TMEM132C: variants seen among roughly 807,000 people sequenced by gnomAD.
TMEM132C encodes transmembrane protein 132C.
Under a neutral mutation model 61.4 loss-of-function variants are expected in TMEM132C, and 29 were observed. The observed-to-expected ratio is 0.47, with a 90% CI of 0.35 to 0.64. The LOEUF is 0.64. Among genes scored for constraint, TMEM132C ranks in the 30% least tolerant of loss-of-function variants. TMEM132C has a pLI of 0.00. For missense variants in TMEM132C, 1,408 were observed against 1,476.9 expected (o/e 0.95, Z 0.76); for synonymous variants, 656 against 633.1 (o/e 1.04, Z -0.54).
At chr12:128,677,353 T>C (rs1350081104) in intron 5 of TMEM132C, among the ~76,000 whole-genome samples, 2 of 152,052 alleles carry the variant, frequency 1.3e-5, no homozygotes, top group Admixed American at 1.3e-4. Context: ...ACAGAAGCGG[T>C]CCCTGCCCTC....
At chr12:128,337,058 A>C (rs1222732680) in intron 1 of TMEM132C, among the ~76,000 whole-genome samples, 1 of 152,192 alleles carries the variant, frequency 6.6e-6, no homozygotes, top group African/African-American at 2.4e-5. Context: ...CTTTGAAGAG[A>C]CTGCTTTAAA....
chr12:128,566,633 A>G (rs995794378), intron 3 of TMEM132C, among the ~76,000 whole-genome samples: 1 of 152,214 alleles, frequency 6.6e-6, no homozygotes, highest in Non-Finnish European at 1.5e-5. Flanking sequence ...GAGTGACGCC[A>G]TCCTTACATG....
At chr12:128,437,151 TG>T (rs1446069251) in intron 2 of TMEM132C, among the ~76,000 whole-genome samples, 1 of 151,408 alleles carries the variant, frequency 6.6e-6, no homozygotes, top group Non-Finnish European at 1.5e-5. Context: ...TGTCATGTGG[TG>T]GGGGGCTGGG....
chr12:128,470,365 C>T (rs1163709771), intron 2 of TMEM132C, among the ~76,000 whole-genome samples: 1 of 152,172 alleles, frequency 6.6e-6, no homozygotes, highest in Non-Finnish European at 1.5e-5. Flanking sequence ...TTCAGTGTGG[C>T]TGAGTTGACT....
At chr12:128,479,081 G>A (rs916994239) in intron 2 of TMEM132C, among the ~76,000 whole-genome samples, 1 of 152,118 alleles carries the variant, frequency 6.6e-6, no homozygotes, top group African/African-American at 2.4e-5. Flanking sequence ...GGATGGAGCT[G>A]GAGCCCATCA....
intron 2 of TMEM132C, among the ~76,000 whole-genome samples, chr12:128,510,985 G>T (rs2136118039): frequency 6.6e-6 from 1 of 152,324 alleles, no homozygotes; most frequent in Non-Finnish European, 1.5e-5. Flanking sequence ...CTGGCTGATA[G>T]CTGTTCCCTT....
Position 128,599,539 on chromosome 12 carries a change from C to G in TMEM132C, c.1122-16613C>G, listed in dbSNP as rs189108606. Among the ~76,000 whole-genome samples, 317 of 152,336 alleles carry G rather than the reference C, an allele frequency of 2.1e-3. 1 individual carries two copies. The highest frequency in any genetic ancestry group is 3.1e-3 in the Non-Finnish European group (208 of 68,032). On this transcript the variant is annotated intron_variant, in intron 3 of 8. Transcript: ENST00000435159. ...TAGGATCTCCATATTTGAAACTATT[C>G]CCTTAAAAAATCCTTTTTAACTGTG...
chr12:128,335,377 T>C (rs1872767254), intron 1 of TMEM132C, among the ~76,000 whole-genome samples: 1 of 152,250 alleles, frequency 6.6e-6, no homozygotes, highest in African/African-American at 2.4e-5. Context: ...CATTTGTGTA[T>C]TGGCCTTTTG....
At chr12:128,640,724 A>C (rs1194644752) in intron 4 of TMEM132C, among the ~76,000 whole-genome samples, 1 of 152,162 alleles carries the variant, frequency 6.6e-6, no homozygotes, top group Non-Finnish European at 1.5e-5. Context: ...AAACCTCTAC[A>C]AAAAATTTAA....
chr12:128,525,066 C>T (rs967926928), intron 2 of TMEM132C, among the ~76,000 whole-genome samples: 12 of 152,200 alleles, frequency 7.9e-5, no homozygotes, highest in Admixed American at 2.6e-4. Flanking sequence ...AGTAGCCTCC[C>T]ACCTTCTATA....
intron 1 of TMEM132C, among the ~76,000 whole-genome samples, chr12:128,334,294 C>G (rs1314549134): frequency 6.6e-6 from 1 of 152,136 alleles, no homozygotes; most frequent in African/African-American, 2.4e-5. Context: ...TCTCCACAGA[C>G]CGCCACCGCC....
At chr12:128,687,940 A>G (rs578059509) in intron 5 of TMEM132C, among the ~76,000 whole-genome samples, 1 of 152,202 alleles carries the variant, frequency 6.6e-6, no homozygotes, top group East Asian at 1.9e-4. Context: ...GTTTTCCCTT[A>G]ACCCTACCCA....
intron 2 of TMEM132C, among the ~76,000 whole-genome samples, chr12:128,437,543 G>A (rs1010809068): frequency 1.3e-5 from 2 of 152,124 alleles, no homozygotes; most frequent in African/African-American, 2.4e-5. Flanking sequence ...GGCAAAGATG[G>A]AAAATAAAGG....
intron 4 of TMEM132C, among the ~76,000 whole-genome samples, chr12:128,647,739 A>T (rs566278651): frequency 6.8e-6 from 1 of 146,266 alleles, no homozygotes; most frequent in Non-Finnish European, 1.5e-5. Context: ...TGTGTTCACT[A>T]GATCCCATCA....
rs1167793755 is a variant in TMEM132C at position 128,707,137 on chromosome 12, A to T, written c.*842A>T. ...CAGAGCCTTCTGGGGGAGGAGAGGA[A>T]CTGTCCTTAATCCATCACCACTACC... On this transcript the variant is annotated 3_prime_UTR_variant, in exon 9 of 9. Coordinates refer to ENST00000435159, the MANE Select transcript of TMEM132C (RefSeq NM_001136103.3). The T allele has an allele frequency of 6.6e-6, 1 of 152,000 alleles. No homozygotes were observed. The highest frequency in any genetic ancestry group is 6.6e-5 in the Admixed American group (1 of 15,266). 9.4% of individuals were successfully genotyped at this position (152,000 alleles called of 1,614,324 possible). A position where few individuals can be genotyped will look rare whatever the true frequency, so the allele number is the denominator to read the frequency against.
intron 1 of TMEM132C, among the ~76,000 whole-genome samples, chr12:128,286,155 G>A (rs1310647666): frequency 6.6e-6 from 1 of 151,656 alleles, no homozygotes. Context: ...CTTTCATGGA[G>A]GCTTCATTCT....
intron 3 of TMEM132C, among the ~76,000 whole-genome samples, chr12:128,571,625 C>T (rs1273917488): frequency 1.3e-5 from 2 of 152,146 alleles, no homozygotes; most frequent in Admixed American, 1.3e-4. Context: ...CATCTAAGCA[C>T]CTCGTGTAAG....
At chr12:128,386,698 C>T (rs2135995803) in intron 1 of TMEM132C, among the ~76,000 whole-genome samples, 1 of 152,332 alleles carries the variant, frequency 6.6e-6, no homozygotes, top group Non-Finnish European at 1.5e-5. Flanking sequence ...AGGTTTCATT[C>T]TTATCCCCCA....
At chr12:128,639,290 GTGA>G (rs199739677) in intron 4 of TMEM132C, among the ~76,000 whole-genome samples, 2,651 of 150,614 alleles carry the variant, frequency 0.018, 86 homozygotes, top group African/African-American at 0.062. Context: ...AATGACAATG[GTGA>G]TGATGATGAT....
Sources: allele counts gnomAD v4.1 joint callset (sites outside exome capture counted in the v4.1 genomes callset), GRCh38; gene constraint gnomAD v4.1.1; transcripts MANE v1.5; gene names NCBI Gene and HGNC (gene_info 2026-07-23, HGNC 2026-07-21).